The following TUNAR variants were observed in gnomAD, a reference collection of about 807,000 sequenced individuals.
TUNAR encodes the protein protein TUNAR.
At chr14:95,918,057 C>T (rs931073458) in intron 2 of TUNAR, among the ~76,000 whole-genome samples, 1 of 152,196 alleles carries the variant, frequency 6.6e-6, no homozygotes, top group Non-Finnish European at 1.5e-5. Flanking sequence ...TTATGTCAGA[C>T]ATTGACTGGC....
At chr14:95,899,653 G>C (rs536145723) in intron 2 of TUNAR, among the ~76,000 whole-genome samples, 2 of 152,268 alleles carry the variant, frequency 1.3e-5, no homozygotes, top group Admixed American at 1.3e-4. Context: ...GGGCCCACTC[G>C]GTGGTTTGCA....
intron 2 of TUNAR, among the ~76,000 whole-genome samples, chr14:95,922,237 C>T (rs1566793844): frequency 2.0e-5 from 3 of 152,228 alleles, no homozygotes. Flanking sequence ...TCATCCACAC[C>T]GTGCATAGAC....
At chr14:95,880,844 A>G (rs550147109) in intron 2 of TUNAR, among the ~76,000 whole-genome samples, 23 of 152,330 alleles carry the variant, frequency 1.5e-4, no homozygotes, top group African/African-American at 5.1e-4. Context: ...TAGAGAGGGC[A>G]TGAGAAAGGA....
intron 2 of TUNAR, among the ~76,000 whole-genome samples, chr14:95,916,006 A>T (rs186325019): frequency 0.014 from 2,123 of 150,620 alleles, 47 homozygotes; most frequent in African/African-American, 0.046. Context: ...TGTGTTTTTT[A>T]AAAAAAATTG....
intron 2 of TUNAR, among the ~76,000 whole-genome samples, chr14:95,904,603 C>T (rs1889402670): frequency 6.6e-6 from 1 of 152,190 alleles, no homozygotes. Flanking sequence ...AGAGGTGGGC[C>T]ACACTGTGTA....
intron 2 of TUNAR, among the ~76,000 whole-genome samples, chr14:95,910,702 CT>C (rs5810752): frequency 0.22 from 33,722 of 152,244 alleles, 5,078 homozygotes; most frequent in African/African-American, 0.43. Flanking sequence ...CCTTGAGTGG[CT>C]TGTCTGATGA....
Position 95,906,419 on chromosome 14 carries a change from AT to A in TUNAR, c.13-16355del, listed in dbSNP as rs71132379. Among the ~76,000 whole-genome samples the A allele has an allele frequency of 9.9e-4, 150 of 152,178 alleles. 1 individual carries two copies. The highest frequency in any genetic ancestry group is 3.3e-3 in the African/African-American group (137 of 41,506). On this transcript the variant is annotated intron_variant, in intron 2 of 2. Coordinates refer to ENST00000678517, the Ensembl canonical transcript of TUNAR. ...ATTTTAACTTTTTCCCTTTCCTGCA[AT>A]TTTTTTCCCCAACAGCAAGAAACTC...
Position 95,904,869 on chromosome 14 carries a change from A to G in TUNAR, c.13-17912A>G, listed in dbSNP as rs1043129433. Among the ~76,000 whole-genome samples, 6 of 152,228 alleles carry G rather than the reference A, an allele frequency of 3.9e-5. 1 individual carries two copies. Among genetic ancestry groups the G allele is most frequent in the African/African-American group, 1.4e-4 (6 of 41,470 alleles). On this transcript the variant is annotated intron_variant, in intron 2 of 2. Coordinates refer to ENST00000678517, the Ensembl canonical transcript of TUNAR. ...GCTAGCCCTGGCTGAGGACCTGCGC[A>G]GGATGTTCCAGAGATCCCTTCAGTT...
At chr14:95,908,299 C>T (rs1031721747) in intron 2 of TUNAR, among the ~76,000 whole-genome samples, 1 of 152,340 alleles carries the variant, frequency 6.6e-6, no homozygotes, top group Non-Finnish European at 1.5e-5. Context: ...AGGCCTGAGT[C>T]TGCAGCCATG....
chr14:95,898,336 T>C (rs1889296280), intron 2 of TUNAR, among the ~76,000 whole-genome samples: 1 of 152,208 alleles, frequency 6.6e-6, no homozygotes, highest in Non-Finnish European at 1.5e-5. Flanking sequence ...GGTTCATGTA[T>C]TACATGAGGA....
intron 2 of TUNAR, among the ~76,000 whole-genome samples, chr14:95,896,780 G>T (rs116678664): frequency 6.6e-6 from 1 of 152,198 alleles, no homozygotes; most frequent in African/African-American, 2.4e-5. Flanking sequence ...ATATCATGCG[G>T]CAGCAGAGTA....
chr14:95,917,746 A>G lies in TUNAR; in HGVS notation c.13-5035A>G, dbSNP rs369708170. 2.6e-5 allele frequency among the ~76,000 whole-genome samples: 4 copies of G among 152,218 alleles called. No individual in the cohort carries two copies. The East Asian group carries it at 5.8e-4, about 22-fold the overall frequency. On this transcript the variant is annotated intron_variant, in intron 2 of 2. Coordinates refer to ENST00000678517, the Ensembl canonical transcript of TUNAR. ...TATTAGATTTATTTCTGGGCACTTT[A>G]TATTTCAGATACTATCACAAATACT... is the stretch of plus-strand genomic sequence containing the variant.
At chr14:95,881,348 G>A (rs535289469) in intron 2 of TUNAR, among the ~76,000 whole-genome samples, 1 of 152,288 alleles carries the variant, frequency 6.6e-6, no homozygotes, top group African/African-American at 2.4e-5. Flanking sequence ...AATTCTCCTG[G>A]GTCCCACATT....
At chr14:95,894,326 C>T (rs11844810) in intron 2 of TUNAR, among the ~76,000 whole-genome samples, 6,271 of 152,274 alleles carry the variant, frequency 0.041, 425 homozygotes, top group African/African-American at 0.14. Context: ...ACGCTATGTG[C>T]TGCATTTGTG....
intron 2 of TUNAR, among the ~76,000 whole-genome samples, chr14:95,907,170 A>G (rs988935453): frequency 6.6e-6 from 1 of 152,200 alleles, no homozygotes; most frequent in East Asian, 1.9e-4. Flanking sequence ...CTGTGTGGAC[A>G]TGCCATGGTT....
chr14:95,905,500 G>C (rs554267057), intron 2 of TUNAR, among the ~76,000 whole-genome samples: 1 of 152,216 alleles, frequency 6.6e-6, no homozygotes, highest in Admixed American at 6.5e-5. Flanking sequence ...GTGCACTTTT[G>C]GCAAGAATCC....
chr14:95,916,928 G>C (rs1031556182), intron 2 of TUNAR, among the ~76,000 whole-genome samples: 2 of 152,060 alleles, frequency 1.3e-5, no homozygotes, highest in Non-Finnish European at 2.9e-5. Flanking sequence ...GCCTGGACAT[G>C]GTTTTGCCCA....
At chr14:95,882,350 C>T (rs190345751) in intron 2 of TUNAR, among the ~76,000 whole-genome samples, 1 of 152,316 alleles carries the variant, frequency 6.6e-6, no homozygotes, top group East Asian at 1.9e-4. Flanking sequence ...CAGAGAAGTT[C>T]ATGGCCTCTG....
rs151151880 is a variant in TUNAR, at chr14:95,894,486, C to T, written c.12+17309C>T. ...GAGGGCGGGGAGGGAGAGATTCACACGTGAGGATCAGGATTTGCGAACTTG... is the reference window on the plus strand; with the variant it reads ...GAGGGCGGGGAGGGAGAGATTCACATGTGAGGATCAGGATTTGCGAACTTG... On this transcript the variant is annotated intron_variant, in intron 2 of 2. Coordinates refer to ENST00000678517, the Ensembl canonical transcript of TUNAR. 4.4e-3 allele frequency among the ~76,000 whole-genome samples: 668 copies of T among 152,266 alleles called. 3 individuals are homozygous for T. Among genetic ancestry groups the T allele is most frequent in the Non-Finnish European group, 7.9e-3 (538 of 68,018 alleles).
Sources: allele counts gnomAD v4.1 joint callset (sites outside exome capture counted in the v4.1 genomes callset), GRCh38; gene constraint gnomAD v4.1.1; transcripts MANE v1.5; gene names NCBI Gene and HGNC (gene_info 2026-07-23, HGNC 2026-07-21).